ZMIZ1: variants seen among roughly 807,000 people sequenced by gnomAD.
The protein encoded by ZMIZ1 is zinc finger MIZ domain-containing protein 1.
Under a neutral mutation model 113.9 loss-of-function variants are expected in ZMIZ1, and 17 were observed. That is an observed-to-expected ratio of 0.15 (90% CI 0.10 to 0.22). ZMIZ1 has a LOEUF of 0.22. Ranked by LOEUF, ZMIZ1 falls within the 10% of genes least tolerant of loss-of-function variation. The pLI, the probability that ZMIZ1 is intolerant of heterozygous loss-of-function variation, is 1.00. For missense variants in ZMIZ1, 1,059 were observed against 1,477.8 expected, an observed-to-expected ratio of 0.72 and a Z score of 4.65; for synonymous variants, 607 against 603.1, an observed-to-expected ratio of 1.01 and a Z score of -0.09.
chr10:79,195,861 G>C (rs1283236927), intron 4 of ZMIZ1, among the ~76,000 whole-genome samples: 2 of 152,204 alleles, frequency 1.3e-5, no homozygotes, highest in African/African-American at 4.8e-5. Context: ...CAGCTTTCCG[G>C]CTGTGTCACC....
At chr10:79,089,472 G>A (rs1842925940) in intron 1 of ZMIZ1, among the ~76,000 whole-genome samples, 1 of 152,220 alleles carries the variant, frequency 6.6e-6, no homozygotes, top group African/African-American at 2.4e-5. Flanking sequence ...TACAATTGAA[G>A]TCTTTGCCTC....
intron 9 of ZMIZ1, chr10:79,290,642 C>G: frequency 5.5e-6 from 3 of 548,410 alleles, no homozygotes; most frequent in Non-Finnish European, 7.0e-6. Context: ...GTACCTGGTA[C>G]AAGAGCAGCC....
rs1196407877 is a variant in ZMIZ1, at chr10:79,088,088, C to T, written c.-337+18818C>T. Among the ~76,000 whole-genome samples, 8 of 152,366 alleles carry T rather than the reference C, an allele frequency of 5.3e-5. No homozygotes were observed. The East Asian group carries it at 1.5e-3, about 29-fold the overall frequency. The stretch of plus-strand genomic sequence containing the variant: ...TCGGCTTTGTGATGTGGACCATGTG[C>T]ATGGTCTGACCCCTGGCCCCTTCTT... On this transcript the variant is annotated intron_variant, in intron 1 of 24. Transcript: ENST00000334512.
chr10:79,200,311 C>T (rs1848019935), intron 4 of ZMIZ1, among the ~76,000 whole-genome samples: 1 of 152,176 alleles, frequency 6.6e-6, no homozygotes, highest in Non-Finnish European at 1.5e-5. Context: ...GACCTGGACC[C>T]CTAACAGTGG....
chr10:79,196,919 G>A (rs1847856944), intron 4 of ZMIZ1, among the ~76,000 whole-genome samples: 3 of 152,208 alleles, frequency 2.0e-5, no homozygotes, highest in South Asian at 2.1e-4. Context: ...AGTCCATCCT[G>A]GCTGGGGACA....
intron 4 of ZMIZ1, among the ~76,000 whole-genome samples, chr10:79,188,935 C>T (rs918112641): frequency 5.3e-5 from 8 of 152,198 alleles, no homozygotes; most frequent in Non-Finnish European, 8.8e-5. Context: ...GGGAATGCTT[C>T]GCTCAGGAGC....
intron 6 of ZMIZ1, among the ~76,000 whole-genome samples, chr10:79,210,911 G>A (rs570031773): frequency 7.2e-5 from 11 of 152,272 alleles, no homozygotes; most frequent in African/African-American, 2.4e-4. Flanking sequence ...ATGAGATCTG[G>A]CTGGACAGAG....
intron 4 of ZMIZ1, among the ~76,000 whole-genome samples, chr10:79,167,958 A>T (rs1846427100): frequency 1.3e-5 from 2 of 152,150 alleles, no homozygotes; most frequent in Admixed American, 6.5e-5. Context: ...CAAGGCTAGG[A>T]GGGAGAAGAG....
intron 2 of ZMIZ1, among the ~76,000 whole-genome samples, chr10:79,121,694 C>T (rs986483991): frequency 6.6e-6 from 1 of 152,158 alleles, no homozygotes; most frequent in African/African-American, 2.4e-5. Flanking sequence ...TGTGGGACCA[C>T]AGCACAGGGA....
At chr10:79,135,897 C>T (rs1844983892) in intron 2 of ZMIZ1, among the ~76,000 whole-genome samples, 1 of 152,182 alleles carries the variant, frequency 6.6e-6, no homozygotes, top group Admixed American at 6.5e-5. Flanking sequence ...CACCCACCCA[C>T]CCGCCGCCGC....
intron 18 of ZMIZ1, among the ~76,000 whole-genome samples, chr10:79,302,676 T>C (rs1854385297): frequency 7.6e-5 from 10 of 132,296 alleles, no homozygotes; most frequent in East Asian, 2.4e-4. Context: ...CTTCAACAGC[T>C]CATGCTTTTT....
At chr10:79,195,229 C>T (rs571544393) in intron 4 of ZMIZ1, among the ~76,000 whole-genome samples, 1 of 152,330 alleles carries the variant, frequency 6.6e-6, no homozygotes, top group East Asian at 1.9e-4. Context: ...AAAGGCTGGC[C>T]AGCCCGATCC....
At chr10:79,224,724 G>A (rs1387625208) in intron 7 of ZMIZ1, among the ~76,000 whole-genome samples, 1 of 152,212 alleles carries the variant, frequency 6.6e-6, no homozygotes, top group Non-Finnish European at 1.5e-5. Flanking sequence ...GTCTGTAGTA[G>A]GGGAAGGCCA....
chr10:79,173,971 G>C (rs562831059), intron 4 of ZMIZ1, among the ~76,000 whole-genome samples: 1 of 152,296 alleles, frequency 6.6e-6, no homozygotes, highest in African/African-American at 2.4e-5. Flanking sequence ...CTTCTTGGAG[G>C]GCATGTCAGA....
rs1409045133 is a variant in ZMIZ1, at chr10:79,302,008, CTG to C, written c.2020-96_2020-95del. 4 of 1,230,928 alleles carry C rather than the reference CTG, an allele frequency of 3.2e-6. No homozygotes were observed. In the African/African-American group the frequency reaches 5.9e-5, roughly 18 times the overall value. 76.3% of individuals were successfully genotyped at this position (1,230,928 alleles called of 1,614,324 possible). ...ACCCTGGGGGAGCCTCCTGGGCCGG[CTG>C]TGGGATCCTGGGAGCAGTCTAGGGC... On this transcript the variant is annotated intron_variant, in intron 17 of 24. Transcript: ENST00000334512.
chr10:79,181,470 G>A lies in ZMIZ1; in HGVS notation c.-50+19337G>A, dbSNP rs181255078. Among the ~76,000 whole-genome samples, 18 of 152,342 alleles carry A rather than the reference G, an allele frequency of 1.2e-4. No individual in the cohort carries two copies. In the East Asian group the frequency reaches 1.5e-3, roughly 13 times the overall value. The stretch of plus-strand genomic sequence containing the variant: ...AGCAACCCCAGCACCTCCTTGGGGC[G>A]GAGGCATCCCAGGGGCTTGAGCAGC... On this transcript the variant is annotated intron_variant, in intron 4 of 24. Transcript: ENST00000334512.
chr10:79,232,724 A>C (rs1454541239), intron 7 of ZMIZ1, among the ~76,000 whole-genome samples: 1 of 152,142 alleles, frequency 6.6e-6, no homozygotes, highest in East Asian at 1.9e-4. Context: ...TGCTAGGCAA[A>C]ATACTGCATG....
intron 7 of ZMIZ1, among the ~76,000 whole-genome samples, chr10:79,276,221 A>G (rs1344406558): frequency 6.6e-6 from 1 of 152,148 alleles, no homozygotes; most frequent in East Asian, 1.9e-4. Flanking sequence ...GGGCTCCTGA[A>G]GTCAAACAGC....
At chr10:79,186,378 G>A (rs903420317) in intron 4 of ZMIZ1, among the ~76,000 whole-genome samples, 2 of 152,144 alleles carry the variant, frequency 1.3e-5, no homozygotes, top group African/African-American at 2.4e-5. Flanking sequence ...GTTTTTCACC[G>A]GCCCCCACAG....
Sources: allele counts gnomAD v4.1 joint callset (sites outside exome capture counted in the v4.1 genomes callset), GRCh38; gene constraint gnomAD v4.1.1; transcripts MANE v1.5; gene names NCBI Gene and HGNC (gene_info 2026-07-23, HGNC 2026-07-21).